The following OPRM1 variants were observed in gnomAD, a reference collection of about 807,000 sequenced individuals.
OPRM1 encodes opioid receptor mu 1.
Under a neutral mutation model 31.8 loss-of-function variants are expected in OPRM1, and 27 were observed. The observed-to-expected ratio is 0.85, with a 90% CI of 0.63 to 1.17. The LOEUF (loss-of-function observed/expected upper bound fraction) is 1.17, where lower values mean the gene tolerates loss of function less well. OPRM1 is among the 50% of genes most tolerant of loss of function. The pLI is 0.00. For synonymous variants in OPRM1, 196 were observed against 189.9 expected (o/e 1.03, Z -0.26); for missense variants, 536 against 511.1 (o/e 1.05, Z -0.47).
intron 3 of OPRM1, among the ~76,000 whole-genome samples, chr6:154,179,202 T>C (rs1358561000): frequency 6.6e-6 from 1 of 152,158 alleles, no homozygotes; most frequent in Admixed American, 6.5e-5. Flanking sequence ...AAAACACAGC[T>C]TGTACCTGAC....
In OPRM1 at chr6:154,242,852, T is replaced by A. The variant is rs542890554; in HGVS notation, c.1165-3841T>A. ...GCAGTGAGCCGAGATAACACCATTG[T>A]ACTCCAGCCTGGGCCATAGAGCAAG... On this transcript the variant is annotated intron_variant, in intron 3 of 3. Coordinates refer to the OPRM1 transcript ENST00000337049. Among the ~76,000 whole-genome samples the A allele has an allele frequency of 4.4e-3, 672 of 151,414 alleles. 8 individuals carry two copies. Among genetic ancestry groups the A allele is most frequent in the African/African-American group, 0.016 (644 of 41,182 alleles).
chr6:154,108,606 A>T (rs571387449), intron 3 of OPRM1: 9 of 190,938 alleles, frequency 4.7e-5, no homozygotes, highest in African/African-American at 1.7e-4. Flanking sequence ...AGCCATCAGC[A>T]AAGAGTGCAA....
chr6:154,110,425 T>C (rs779156869), intron 3 of OPRM1: 117 of 1,490,978 alleles, frequency 7.8e-5, no homozygotes, highest in Non-Finnish European at 9.8e-5. Flanking sequence ...TTACAATATT[T>C]TCCCGTGAAA....
chr6:154,028,307 A>G (rs1778815941), intron 1 of OPRM1, among the ~76,000 whole-genome samples: 1 of 152,120 alleles, frequency 6.6e-6, no homozygotes, highest in African/African-American at 2.4e-5. Flanking sequence ...AGAGCCTCAT[A>G]AGTCTGACTG....
In OPRM1 at chr6:154,120,274, A is replaced by C. The variant is rs1245898560; in HGVS notation, c.*1553A>C. Among the ~76,000 whole-genome samples the C allele has an allele frequency of 6.6e-6, 1 of 152,158 alleles. No individual in the cohort carries two copies. Among genetic ancestry groups the C allele is most frequent in the East Asian group, 1.9e-4 (1 of 5,190 alleles). On this transcript the variant is annotated 3_prime_UTR_variant, in exon 4 of 4. Transcript: ENST00000330432. ...AATATGTGCCAGATATACAAAAGCA[A>C]TGTTTCTAGAAAACAGCTATCATGG... is the stretch of plus-strand genomic sequence containing the variant.
chr6:154,063,003 T>A (rs1434965674), intron 1 of OPRM1, among the ~76,000 whole-genome samples: 1 of 152,046 alleles, frequency 6.6e-6, no homozygotes, highest in East Asian at 1.9e-4. Context: ...CTTTCTAATC[T>A]GTTGTGCTAT....
chr6:154,065,889 G>C (rs1785295915), intron 1 of OPRM1, among the ~76,000 whole-genome samples: 2 of 152,090 alleles, frequency 1.3e-5, no homozygotes, highest in African/African-American at 4.8e-5. Flanking sequence ...CATTGAGTAT[G>C]ATCTCTGCTG....
intron 3 of OPRM1, among the ~76,000 whole-genome samples, chr6:154,151,902 G>A (rs1283524604): frequency 3.3e-5 from 5 of 152,054 alleles, no homozygotes; most frequent in South Asian, 2.1e-4. Context: ...GGCCGGGCGC[G>A]GTGGCTCAAG....
intron 1 of OPRM1, among the ~76,000 whole-genome samples, chr6:154,081,024 T>G (rs937374453): frequency 6.6e-6 from 1 of 152,158 alleles, no homozygotes; most frequent in African/African-American, 2.4e-5. Flanking sequence ...CTCATTGTGG[T>G]GGTGGTGGGT....
intron 3 of OPRM1, among the ~76,000 whole-genome samples, chr6:154,240,755 A>C (rs182159778): frequency 6.6e-6 from 1 of 152,386 alleles, no homozygotes; most frequent in African/African-American, 2.4e-5. Context: ...GAGATGGAAC[A>C]CATCTCATGC....
chr6:154,180,248 C>A (rs1800718290), intron 3 of OPRM1, among the ~76,000 whole-genome samples: 1 of 152,110 alleles, frequency 6.6e-6, no homozygotes, highest in South Asian at 2.1e-4. Flanking sequence ...TGACCCTTCA[C>A]TTTTGTTAGA....
chr6:154,098,273 A>G (rs1793752323), intron 3 of OPRM1, among the ~76,000 whole-genome samples: 1 of 89,058 alleles, frequency 1.1e-5, no homozygotes, highest in Non-Finnish European at 2.5e-5. Context: ...AAAGTGGTGC[A>G]GTATCTTCTT....
intron 3 of OPRM1, chr6:154,223,105 T>C (rs775729077): frequency 1.4e-5 from 17 of 1,248,356 alleles, no homozygotes; most frequent in Middle Eastern, 1.9e-4. Flanking sequence ...CCATATCCCT[T>C]GGTGAACATT....
At chr6:154,022,957 T>C (rs192171126) in intron 1 of OPRM1, among the ~76,000 whole-genome samples, 55 of 152,338 alleles carry the variant, frequency 3.6e-4, no homozygotes, top group Admixed American at 2.2e-3. Flanking sequence ...ACTTTAGCTC[T>C]GTAGTACAAT....
chr6:154,191,096 G>A (rs1801842054), intron 3 of OPRM1, among the ~76,000 whole-genome samples: 1 of 152,070 alleles, frequency 6.6e-6, no homozygotes. Flanking sequence ...AAAAGACTTA[G>A]AAGAAGCTTA....
chr6:154,217,921 C>A (rs1335440285), intron 3 of OPRM1, among the ~76,000 whole-genome samples: 5 of 152,174 alleles, frequency 3.3e-5, no homozygotes, highest in African/African-American at 1.2e-4. Flanking sequence ...AAATAGAAGA[C>A]TGTTGACAAT....
chr6:154,019,452 T>C (rs1778212153), intron 1 of OPRM1, among the ~76,000 whole-genome samples: 1 of 152,118 alleles, frequency 6.6e-6, no homozygotes, highest in Admixed American at 6.6e-5. Context: ...GTGTTGTACA[T>C]TCTATGGGTT....
chr6:154,125,283 A>G lies in OPRM1; in HGVS notation c.*6562A>G, dbSNP rs1378325844. ...TTTGATGGTACCTGAATTTGCCTCT[A>G]TCATGCATCTCAATGATTTGTTGTC... On this transcript the variant is annotated 3_prime_UTR_variant, in exon 4 of 4. Transcript: ENST00000330432. 1.3e-5 allele frequency among the ~76,000 whole-genome samples: 2 copies of G among 152,196 alleles called. No homozygotes were observed. The highest frequency in any genetic ancestry group is 1.5e-5 in the Non-Finnish European group (1 of 68,032).
At chr6:154,048,790 A>G (rs1474227870) in intron 1 of OPRM1, among the ~76,000 whole-genome samples, 1 of 152,242 alleles carries the variant, frequency 6.6e-6, no homozygotes. Context: ...ATACATGTCT[A>G]TATATGCATA....
Sources: gnomAD v4.1 joint callset for allele counts (sites outside exome capture counted in the v4.1 genomes callset) on GRCh38, gnomAD v4.1.1 for gene constraint, MANE v1.5 for transcripts, NCBI Gene and HGNC (gene_info 2026-07-23, HGNC 2026-07-21) for gene names.